The following NRP1 variants were observed in gnomAD, a reference collection of about 807,000 sequenced individuals.
NRP1 encodes neuropilin 1.
Under a neutral mutation model 106.7 loss-of-function variants are expected in NRP1, and 35 were observed. That is an observed-to-expected ratio of 0.33 (90% CI 0.25 to 0.43). The LOEUF is 0.43. Ranked by LOEUF, NRP1 falls within the 20% of genes least tolerant of loss-of-function variation. The pLI is 1.00. For missense variants in NRP1, 1,024 were observed against 1,170.4 expected, an observed-to-expected ratio of 0.87 and a Z score of 1.83; for synonymous variants, 437 against 417.9, an observed-to-expected ratio of 1.05 and a Z score of -0.56.
chr10:33,232,073 G>A (rs1318744990), intron 6 of NRP1, among the ~76,000 whole-genome samples: 2 of 151,962 alleles, frequency 1.3e-5, no homozygotes, highest in African/African-American at 4.8e-5. Context: ...CCATCGTCTT[G>A]GTGGCTTAGC....
chr10:33,229,583 A>G (rs1449141957), intron 6 of NRP1, among the ~76,000 whole-genome samples: 1 of 152,164 alleles, frequency 6.6e-6, no homozygotes, highest in East Asian at 1.9e-4. Context: ...ATTTGAAACA[A>G]CCCTAGAACT....
At chr10:33,274,688 G>A (rs1475626291) in intron 2 of NRP1, among the ~76,000 whole-genome samples, 1 of 152,120 alleles carries the variant, frequency 6.6e-6, no homozygotes, top group African/African-American at 2.4e-5. Context: ...GACACTGTGA[G>A]CTACTGCACC....
chr10:33,265,665 GC>G (rs1174422087), intron 3 of NRP1, among the ~76,000 whole-genome samples: 2 of 152,282 alleles, frequency 1.3e-5, no homozygotes, highest in Admixed American at 6.5e-5. Context: ...TCTTAGATGG[GC>G]CCAGTAAACC....
chr10:33,245,323 A>C (rs937647983), intron 6 of NRP1, among the ~76,000 whole-genome samples: 1 of 152,194 alleles, frequency 6.6e-6, no homozygotes, highest in Non-Finnish European at 1.5e-5. Flanking sequence ...TTACATGTGT[A>C]TGTATGCTAT....
intron 2 of NRP1, among the ~76,000 whole-genome samples, chr10:33,291,460 C>A (rs946995445): frequency 2.0e-5 from 3 of 152,182 alleles, no homozygotes; most frequent in African/African-American, 7.2e-5. Context: ...CCATCATTTG[C>A]TGCTTCAGGG....
At chr10:33,231,046 G>A (rs913457193) in intron 6 of NRP1, among the ~76,000 whole-genome samples, 7 of 151,980 alleles carry the variant, frequency 4.6e-5, no homozygotes, top group South Asian at 4.1e-4. Flanking sequence ...TATAATATTC[G>A]TTGCTTGTAA....
intron 3 of NRP1, among the ~76,000 whole-genome samples, chr10:33,269,127 A>G (rs1564440866): frequency 6.6e-6 from 1 of 152,168 alleles, no homozygotes. Flanking sequence ...TCAAATCTTG[A>G]TCCTCTTTCC....
Position 33,246,650 on chromosome 10 carries a change from A to G in NRP1, c.981+7378T>C, listed in dbSNP as rs186890766. On this transcript the variant is annotated intron_variant, in intron 6 of 16. Coordinates refer to ENST00000374867, the MANE Select transcript of NRP1 (RefSeq NM_003873.7). Reference sequence around the variant, plus strand: ...AATCCACATCCATTTGAACAGCTGTATTTTCCCTAGTTTTGCCAACACTGT... The same window carrying G: ...AATCCACATCCATTTGAACAGCTGTGTTTTCCCTAGTTTTGCCAACACTGT... Among the ~76,000 whole-genome samples the G allele has an allele frequency of 1.1e-4, 16 of 152,026 alleles. 1 individual carries two copies. The East Asian group carries it at 3.1e-3, about 29-fold the overall frequency.
intron 2 of NRP1, among the ~76,000 whole-genome samples, chr10:33,301,850 A>C (rs1404108919): frequency 6.6e-6 from 1 of 152,242 alleles, no homozygotes; most frequent in East Asian, 1.9e-4. Context: ...TTGGGGAATA[A>C]GTGTAGAAAG....
At chr10:33,296,242 G>A (rs945977613) in intron 2 of NRP1, among the ~76,000 whole-genome samples, 8 of 152,134 alleles carry the variant, frequency 5.3e-5, no homozygotes, top group Middle Eastern at 3.2e-3. Flanking sequence ...CTCCATCCTC[G>A]GGCCTTTCAG....
At chr10:33,292,226 A>G (rs938324698) in intron 2 of NRP1, among the ~76,000 whole-genome samples, 9 of 152,302 alleles carry the variant, frequency 5.9e-5, no homozygotes, top group Non-Finnish European at 1.2e-4. Context: ...CAGAAAACCC[A>G]TGTCTTCTGA....
chr10:33,267,483 A>G (rs1843000565), intron 3 of NRP1, among the ~76,000 whole-genome samples: 2 of 152,186 alleles, frequency 1.3e-5, no homozygotes, highest in Non-Finnish European at 1.5e-5. Flanking sequence ...ACAGAGAATA[A>G]TAACAGTCAA....
chr10:33,281,383 T>A (rs1471172843), intron 2 of NRP1, among the ~76,000 whole-genome samples: 1 of 152,162 alleles, frequency 6.6e-6, no homozygotes, highest in East Asian at 1.9e-4. Context: ...AACTGACTTT[T>A]TTTTTATCAC....
rs35691858 is a variant in NRP1 at position 33,222,498 on chromosome 10, GATTTATTTATTTATTT to G, written c.1138-651_1138-636del. On this transcript the variant is annotated intron_variant, in intron 7 of 16. Coordinates refer to ENST00000374867, the MANE Select transcript of NRP1 (RefSeq NM_003873.7). ...AGTTTTTCCAGGGCTTGTGCGTCAA[GATTTATTTATTTATTT>G]ATTTATTTATTTATTTATTTATTTA... 8.7e-5 allele frequency among the ~76,000 whole-genome samples: 9 copies of G among 104,046 alleles called. No homozygotes were observed. In the South Asian group the frequency reaches 1.2e-3, roughly 13 times the overall value. The allele number at this position is 104,046 out of a possible 152,430, so 68.3% of individuals were successfully genotyped here.
intron 2 of NRP1, among the ~76,000 whole-genome samples, chr10:33,324,576 T>C (rs532587922): frequency 8.5e-5 from 13 of 152,322 alleles, no homozygotes; most frequent in African/African-American, 3.1e-4. Context: ...TTAGAAATAG[T>C]ACCTATTTTT....
intron 2 of NRP1, among the ~76,000 whole-genome samples, chr10:33,286,931 T>A (rs2097703203): frequency 6.6e-6 from 1 of 152,212 alleles, no homozygotes; most frequent in Non-Finnish European, 1.5e-5. Flanking sequence ...CCTTTCTTAA[T>A]GACTGAGATT....
intron 2 of NRP1, among the ~76,000 whole-genome samples, chr10:33,277,094 G>T (rs1843753591): frequency 7.0e-6 from 1 of 143,578 alleles, no homozygotes; most frequent in Non-Finnish European, 1.5e-5. Context: ...AACAGATCAA[G>T]ACCCTGTCTC....
chr10:33,181,833 C>T (rs1835706001), intron 16 of NRP1, among the ~76,000 whole-genome samples: 1 of 152,228 alleles, frequency 6.6e-6, no homozygotes, highest in African/African-American at 2.4e-5. Flanking sequence ...GGTGCAGTGG[C>T]TCACGCCTGT....
intron 1 of NRP1, among the ~76,000 whole-genome samples, chr10:33,333,859 C>G (rs1457313715): frequency 1.3e-5 from 2 of 152,096 alleles, no homozygotes; most frequent in Non-Finnish European, 2.9e-5. Context: ...ACCCACAAAC[C>G]GATATCTCTG....
Sources: gnomAD v4.1 joint callset for allele counts (sites outside exome capture counted in the v4.1 genomes callset) on GRCh38, gnomAD v4.1.1 for gene constraint, MANE v1.5 for transcripts, NCBI Gene and HGNC (gene_info 2026-07-23, HGNC 2026-07-21) for gene names.